The following WDTC1 variants were observed in gnomAD, a reference collection of about 807,000 sequenced individuals.
WDTC1 encodes WD and tetratricopeptide repeats 1, also known as WD and tetratricopeptide repeats protein 1.
Under a neutral mutation model 76.0 loss-of-function variants are expected in WDTC1, and 12 were observed. The observed-to-expected ratio is 0.16, with a 90% CI of 0.10 to 0.26. The LOEUF is 0.26. Ranked by LOEUF, WDTC1 falls within the 10% of genes least tolerant of loss-of-function variation. WDTC1 has a pLI of 1.00. For missense variants in WDTC1, 511 were observed against 908.8 expected (o/e 0.56, Z 5.63); for synonymous variants, 326 against 350.8 (o/e 0.93, Z 0.79).
Position 27,260,817 on chromosome 1 carries a change from A to G in WDTC1, c.-99-139A>G, listed in dbSNP as rs568582503. 42 of 568,630 alleles carry G rather than the reference A, an allele frequency of 7.4e-5. No homozygotes were observed. The East Asian group carries it at 1.2e-3, about 16-fold the overall frequency. The allele number at this position is 568,630 out of a possible 1,614,324, so 35.2% of individuals were successfully genotyped here. Reference sequence around the variant, plus strand: ...CCCATTCCAGAGGTTTTTCAACACTATGGAGCAGGGCCAGCCCACCATGCC... The same window carrying G: ...CCCATTCCAGAGGTTTTTCAACACTGTGGAGCAGGGCCAGCCCACCATGCC... On this transcript the variant is annotated intron_variant, in intron 1 of 15. Transcript: ENST00000319394.
rs1262429262 is a variant in WDTC1 at position 27,308,550 on chromosome 1, CAT to C, written c.*2168_*2169del. On this transcript the variant is annotated 3_prime_UTR_variant, in exon 16 of 16. Coordinates refer to ENST00000319394, the MANE Select transcript of WDTC1 (RefSeq NM_001276252.2). ...ATTTTACATTGTGACCCAATATACA[CAT>C]GATTACTTGTAGATATGTGTGTGTG... 3.3e-5 allele frequency: 5 copies of C among 152,062 alleles called. No individual in the cohort carries two copies. Among genetic ancestry groups the C allele is most frequent in the African/African-American group, 1.2e-4 (5 of 41,366 alleles). The allele number at this position is 152,062 out of a possible 1,614,324, so 9.4% of individuals were successfully genotyped here. A position where few individuals can be genotyped will look rare whatever the true frequency, so the allele number is the denominator to read the frequency against.
intron 3 of WDTC1, among the ~76,000 whole-genome samples, chr1:27,264,974 T>C (rs1357921501): frequency 6.6e-6 from 1 of 152,084 alleles, no homozygotes; most frequent in Non-Finnish European, 1.5e-5. Context: ...AGCTAATTTT[T>C]GTATTTTTTT....
At position 27,283,329 on chromosome 1, in the gene WDTC1, TG is replaced by T; in HGVS notation, c.180-8del. On this transcript the variant is annotated splice_polypyrimidine_tract_variant and splice_region_variant and intron_variant, in intron 4 of 15. Coordinates refer to ENST00000319394, the MANE Select transcript of WDTC1 (RefSeq NM_001276252.2). ...GAGGAGAGATCACAATCCCTCACTCTGCTTTCAGCTTGCTGGCCTCTGGTTC... is the reference window on the plus strand; with the variant it reads ...GAGGAGAGATCACAATCCCTCACTCTCTTTCAGCTTGCTGGCCTCTGGTTC... The T allele has an allele frequency of 6.2e-7, 1 of 1,613,420 alleles. No homozygotes were observed. Among genetic ancestry groups the T allele is most frequent in the Non-Finnish European group, 8.5e-7 (1 of 1,179,844 alleles).
chr1:27,253,358 TTTCTTCTTC>T (rs1213671215), intron 1 of WDTC1, among the ~76,000 whole-genome samples: 1 of 148,980 alleles, frequency 6.7e-6, no homozygotes, highest in Non-Finnish European at 1.5e-5. Context: ...TTCTTTCTTC[TTTCTTCTTC>T]TTCTTCTTTC....
intron 10 of WDTC1, 94 bp from the exon 11 acceptor site, chr1:27,296,954 C>A: frequency 9.1e-7 from 1 of 1,096,164 alleles, no homozygotes; most frequent in Non-Finnish European, 1.4e-6. Flanking sequence ...ACGATGGAAC[C>A]ATCAGACCCC....
At chr1:27,298,756 G>A (rs559644847) in intron 12 of WDTC1, among the ~76,000 whole-genome samples, 8 of 88,074 alleles carry the variant, frequency 9.1e-5, no homozygotes, top group South Asian at 3.9e-4. Flanking sequence ...TGCAGACCCC[G>A]CCCCCCCATC....
chr1:27,306,634 C>G lies in WDTC1; in HGVS notation c.*251C>G, dbSNP rs3813791. 101 of 546,484 alleles carry G rather than the reference C, an allele frequency of 1.8e-4. 1 individual carries two copies. The East Asian group carries it at 2.8e-3, about 15-fold the overall frequency. 33.9% of individuals were successfully genotyped at this position (546,484 alleles called of 1,614,324 possible). A position where few individuals can be genotyped will look rare whatever the true frequency, so the allele number is the denominator to read the frequency against. On this transcript the variant is annotated 3_prime_UTR_variant, in exon 16 of 16. Coordinates refer to ENST00000319394, the MANE Select transcript of WDTC1 (RefSeq NM_001276252.2). This position sits in a 1 kb window ranked among gnomAD's most constrained non-coding sequence, Gnocchi z 5.0. ...GGAGGGGACACCCCTCCATATGCCC[C>G]CCCCCATCTCCTGCTTTCATGTCCC... is the stretch of plus-strand genomic sequence containing the variant.
upstream of WDTC1, chr1:27,234,442 GGCGGT>G: frequency 4.2e-6 from 1 of 240,074 alleles, no homozygotes; most frequent in Non-Finnish European, 8.1e-6. Flanking sequence ...CATTGGCCAC[GGCGGT>G]GCGGGGCTCC....
intron 3 of WDTC1, among the ~76,000 whole-genome samples, chr1:27,273,375 AT>A (rs1356161478): frequency 1.3e-5 from 2 of 151,456 alleles, no homozygotes; most frequent in Non-Finnish European, 2.9e-5. Context: ...CGCCCGGCTA[AT>A]TTTTTGTATT....
rs1557508015 is a variant in WDTC1 at position 27,297,935 on chromosome 1, C to G, written c.1059-3C>G. Reference sequence around the variant, plus strand: ...TTCTGACTTGGCTCTATTTCCCCTGCAGCCCCCAAGTAGAGCTACCACCAT... The same window carrying G: ...TTCTGACTTGGCTCTATTTCCCCTGGAGCCCCCAAGTAGAGCTACCACCAT... On this transcript the variant is annotated splice_polypyrimidine_tract_variant and splice_region_variant and intron_variant, in intron 11 of 15. Coordinates refer to ENST00000319394, the MANE Select transcript of WDTC1 (RefSeq NM_001276252.2). The G allele has an allele frequency of 6.2e-7, 1 of 1,605,852 alleles. No individual in the cohort carries two copies. The highest frequency in any genetic ancestry group is 8.5e-7 in the Non-Finnish European group (1 of 1,174,586).
chr1:27,287,542 G>A (rs1464963790), intron 5 of WDTC1, 132 bp from the exon 6 acceptor site: 15 of 1,032,166 alleles, frequency 1.5e-5, no homozygotes, highest in East Asian at 7.9e-5. Flanking sequence ...ATGAGCCACC[G>A]CGCCCAGCCT....
chr1:27,244,939 C>T (rs1415684519), intron 1 of WDTC1, among the ~76,000 whole-genome samples: 1 of 152,084 alleles, frequency 6.6e-6, no homozygotes, highest in Admixed American at 6.6e-5. Flanking sequence ...AAAATCTCAG[C>T]ATAGTGTCAT....
At chr1:27,286,044 C>T (rs1273096933) in intron 5 of WDTC1, among the ~76,000 whole-genome samples, 3 of 113,976 alleles carry the variant, frequency 2.6e-5, no homozygotes, top group African/African-American at 1.0e-4. Flanking sequence ...TTTGCTCTGT[C>T]ACCCATGCTG....
rs1364983710 is a variant in WDTC1, at chr1:27,305,910, G to C, written c.1837-276G>C. On this transcript the variant is annotated intron_variant, in intron 15 of 15. Transcript: ENST00000319394. The surrounding 1 kb of genome is among the most constrained non-coding windows in gnomAD (Gnocchi z 4.6). ...CCAGTATGTGTGTCCAACATATCCT[G>C]GTGTGTACTGTCCCCCACGTATATC... Among the ~76,000 whole-genome samples, 2 of 152,004 alleles carry C rather than the reference G, an allele frequency of 1.3e-5. No individual in the cohort carries two copies. Among genetic ancestry groups the C allele is most frequent in the Non-Finnish European group, 2.9e-5 (2 of 68,006 alleles).
chr1:27,272,356 C>T (rs972119171), intron 3 of WDTC1, among the ~76,000 whole-genome samples: 1 of 152,140 alleles, frequency 6.6e-6, no homozygotes, highest in Non-Finnish European at 1.5e-5. Flanking sequence ...CAAGTACTCC[C>T]ACAGTGCTGG....
intron 1 of WDTC1, among the ~76,000 whole-genome samples, chr1:27,245,677 C>T (rs2011805537): frequency 6.6e-6 from 1 of 151,182 alleles, no homozygotes; most frequent in Admixed American, 6.6e-5. Flanking sequence ...TCAGACGATT[C>T]TCCTGCCTCA....
At position 27,303,628 on chromosome 1, in the gene WDTC1, G is replaced by A. The variant is rs1298066625; in HGVS notation, c.1476G>A (p.Lys492=). Residue 492 remains lysine (K), a synonymous_variant, in exon 14 of 16, where the codon AAG becomes AAA. Transcript: ENST00000319394. The surrounding 1 kb of genome is among the most constrained non-coding windows in gnomAD (Gnocchi z 4.8). The stretch of plus-strand genomic sequence containing the variant: ...CTGGATCTCTGCCCCCAGAGGAGAA[G>A]AAGGGACCTGGTGGCGGCGCCCCAG... The part of the protein sequence containing the change: ...ALFSKNDGEE[K]KGPGGGAPVR... 6.3e-7 allele frequency: 1 copy of A among 1,597,326 alleles called. No individual in the cohort carries two copies. Among genetic ancestry groups the A allele is most frequent in the East Asian group, 2.3e-5 (1 of 44,116 alleles).
chr1:27,289,005 G>C (rs553515062), intron 6 of WDTC1, among the ~76,000 whole-genome samples: 1 of 145,428 alleles, frequency 6.9e-6, no homozygotes, highest in Admixed American at 6.8e-5. Context: ...CCTCCCTCCC[G>C]GACGGGGCGG....
Position 27,301,719 on chromosome 1 carries a change from G to T in WDTC1, c.1468+258G>T, listed in dbSNP as rs753360910. Among the ~76,000 whole-genome samples, 1 of 152,190 alleles carries T rather than the reference G, an allele frequency of 6.6e-6. No homozygotes were observed. The highest frequency in any genetic ancestry group is 2.4e-5 in the African/African-American group (1 of 41,432). On this transcript the variant is annotated intron_variant, in intron 13 of 15. Coordinates refer to ENST00000319394, the MANE Select transcript of WDTC1 (RefSeq NM_001276252.2). The surrounding 1 kb of genome is among the most constrained non-coding windows in gnomAD (Gnocchi z 5.8). ...AATGGCATGTTTAAAGCACCTGGGGGAGTGCCTGGTGCCCAGGATAGGAGG... is the reference window on the plus strand; with the variant it reads ...AATGGCATGTTTAAAGCACCTGGGGTAGTGCCTGGTGCCCAGGATAGGAGG...
Sources: allele counts gnomAD v4.1 joint callset (sites outside exome capture counted in the v4.1 genomes callset), GRCh38; gene constraint gnomAD v4.1.1; non-coding constraint Gnocchi (gnomAD v3.1); transcripts MANE v1.5; gene names NCBI Gene and HGNC (gene_info 2026-07-23, HGNC 2026-07-21).